GXYLT2: variants seen among roughly 807,000 people sequenced by gnomAD.
GXYLT2 encodes the protein glucoside xylosyltransferase 2.
A neutral mutation model predicts 45.8 loss-of-function variants in GXYLT2; 53 were observed. The ratio of observed to expected loss-of-function variants is 1.16; its 90% CI spans 0.93 to 1.46. The LOEUF is 1.46. Among genes scored for constraint, GXYLT2 ranks in the 40% most tolerant of loss-of-function variants. The pLI, the probability that GXYLT2 is intolerant of heterozygous loss-of-function variation, is 0.00. For synonymous variants in GXYLT2, 219 were observed against 214.2 expected (o/e 1.02, Z -0.19); for missense variants, 551 against 544.4 (o/e 1.01, Z -0.12).
intron 1 of GXYLT2, among the ~76,000 whole-genome samples, chr3:72,893,320 G>A (rs1367904734): frequency 6.6e-6 from 1 of 152,140 alleles, no homozygotes; most frequent in African/African-American, 2.4e-5. Flanking sequence ...TCCTGCTTCA[G>A]CAGCATGCAT....
chr3:72,957,094 C>G, intron 4 of GXYLT2, 135 bp from the exon 5 acceptor site: 1 of 897,598 alleles, frequency 1.1e-6, no homozygotes, highest in South Asian at 2.2e-5. Context: ...GTTCTGTGAC[C>G]TGAGAATAGC....
At chr3:72,920,100 A>C (rs992164444) in intron 2 of GXYLT2, among the ~76,000 whole-genome samples, 1 of 151,844 alleles carries the variant, frequency 6.6e-6, no homozygotes, top group Non-Finnish European at 1.5e-5. Context: ...GTTTGTTTTC[A>C]TTGTTGTTCT....
intron 2 of GXYLT2, among the ~76,000 whole-genome samples, chr3:72,910,480 G>A (rs545436932): frequency 2.6e-5 from 4 of 152,236 alleles, no homozygotes; most frequent in East Asian, 3.9e-4. Context: ...TGAGGCTAGC[G>A]GGTTTGCTAA....
rs577219076 is a variant in GXYLT2, at chr3:72,889,695, G to T, written c.275+1187G>T. ...AGTTTCTTGTAAGAGATTAATTAGG[G>T]TTTAACTGCAAGTTTAATATGATTG... On this transcript the variant is annotated intron_variant, in intron 1 of 6. Transcript: ENST00000389617. 2.8e-4 allele frequency among the ~76,000 whole-genome samples: 42 copies of T among 152,238 alleles called. No homozygotes were observed. In the East Asian group the frequency reaches 7.7e-3, roughly 28 times the overall value.
chr3:72,974,082 T>G (rs537363795), intron 6 of GXYLT2, among the ~76,000 whole-genome samples: 49 of 152,312 alleles, frequency 3.2e-4, no homozygotes, highest in African/African-American at 1.2e-3. Flanking sequence ...TTCTCACTAG[T>G]CTTTCCATAT....
Position 72,908,487 on chromosome 3 carries a change from G to T in GXYLT2, c.396G>T (p.Val132=). ...CGCTGGTCATGCTCAAATCAGCTGT[G>T]CTTTTTAGCCACAGGAAGATCCAAT... ...EETLVMLKSA[V]LFSHRKIQFH... The change falls in exon 2 of 7, where the codon GTG becomes GTT. Residue 132 remains valine, a synonymous_variant. Coordinates refer to ENST00000389617, the MANE Select transcript of GXYLT2 (RefSeq NM_001080393.2). 6.2e-7 allele frequency: 1 copy of T among 1,613,956 alleles called. No individual in the cohort carries two copies. Among genetic ancestry groups the T allele is most frequent in the Non-Finnish European group, 8.5e-7 (1 of 1,179,886 alleles).
chr3:72,950,374 T>A (rs1279240766), intron 3 of GXYLT2, among the ~76,000 whole-genome samples: 1 of 152,006 alleles, frequency 6.6e-6, no homozygotes, highest in Non-Finnish European at 1.5e-5. Flanking sequence ...GGCAGGAGAA[T>A]CGCTTGAACC....
chr3:72,957,418 C>T (rs1206201161), intron 5 of GXYLT2, 66 bp downstream of exon 5: 5 of 1,474,862 alleles, frequency 3.4e-6, no homozygotes, highest in Non-Finnish European at 4.6e-6. Context: ...GGAGCACATT[C>T]CATGCCCGGG....
intron 5 of GXYLT2, among the ~76,000 whole-genome samples, chr3:72,961,516 C>T (rs1353453766): frequency 6.6e-6 from 1 of 152,124 alleles, no homozygotes; most frequent in Admixed American, 6.6e-5. Context: ...CTCTCCGTGC[C>T]AGTCTGATTC....
rs565563001 is a variant in GXYLT2 at position 72,969,927 on chromosome 3, A to AAAAC, written c.1149+2208_1149+2209insAAAC. Among the ~76,000 whole-genome samples, 70 of 146,440 alleles carry AAAAC rather than the reference A, an allele frequency of 4.8e-4. 2 individuals are homozygous for AAAAC. Among genetic ancestry groups the AAAAC allele is most frequent in the East Asian group, 4.3e-3 (20 of 4,672 alleles). On this transcript the variant is annotated intron_variant, in intron 6 of 6. Transcript: ENST00000389617. ...TGCATTTGAAAAAAAAAAAACAAAA[A>AAAAC]CATTTAAGGCCCAGCACAGTGACTC...
chr3:72,943,316 A>C (rs1397409470), intron 3 of GXYLT2, among the ~76,000 whole-genome samples: 1 of 152,186 alleles, frequency 6.6e-6, no homozygotes, highest in East Asian at 1.9e-4. Context: ...AATAGAGTAC[A>C]CATAAAGCAA....
chr3:72,957,509 G>A (rs1428565762), intron 5 of GXYLT2, among the ~76,000 whole-genome samples, 157 bp downstream of exon 5: 1 of 152,002 alleles, frequency 6.6e-6, no homozygotes, highest in African/African-American at 2.4e-5. Flanking sequence ...GCCCCCCTGG[G>A]TATCTGATGG....
chr3:72,973,325 G>A (rs1369745488), intron 6 of GXYLT2, among the ~76,000 whole-genome samples: 4 of 152,056 alleles, frequency 2.6e-5, no homozygotes, highest in Non-Finnish European at 5.9e-5. Flanking sequence ...GGAAAGTCCC[G>A]GAGGCAGGAA....
intron 2 of GXYLT2, among the ~76,000 whole-genome samples, chr3:72,915,561 C>T (rs892594060): frequency 6.6e-6 from 1 of 151,902 alleles, no homozygotes; most frequent in East Asian, 2.0e-4. Flanking sequence ...GGGAGCTGGG[C>T]GCGGGTGGCT....
intron 3 of GXYLT2, among the ~76,000 whole-genome samples, chr3:72,922,588 T>C (rs1319594641): frequency 6.6e-6 from 1 of 152,210 alleles, no homozygotes; most frequent in Non-Finnish European, 1.5e-5. Context: ...GGTTCCATTA[T>C]TTACTGGCTC....
intron 2 of GXYLT2, among the ~76,000 whole-genome samples, chr3:72,919,110 A>G (rs998679757): frequency 1.3e-5 from 2 of 152,192 alleles, no homozygotes; most frequent in Non-Finnish European, 2.9e-5. Context: ...TTACTATACA[A>G]TCCAGGAATT....
At chr3:72,903,670 C>T (rs920803290) in intron 1 of GXYLT2, among the ~76,000 whole-genome samples, 1 of 152,142 alleles carries the variant, frequency 6.6e-6, no homozygotes, top group African/African-American at 2.4e-5. Flanking sequence ...GCATCTCTTC[C>T]AGCCACAAAA....
At chr3:72,926,490 C>T (rs1389743889) in intron 3 of GXYLT2, among the ~76,000 whole-genome samples, 1 of 152,188 alleles carries the variant, frequency 6.6e-6, no homozygotes, top group Non-Finnish European at 1.5e-5. Flanking sequence ...ATGCCAATTA[C>T]AAATAAATCA....
At chr3:72,927,901 G>A (rs1709948496) in intron 3 of GXYLT2, among the ~76,000 whole-genome samples, 1 of 152,162 alleles carries the variant, frequency 6.6e-6, no homozygotes, top group Non-Finnish European at 1.5e-5. Context: ...TTATATGTGA[G>A]AGAAACTCAA....
Sources: allele counts gnomAD v4.1 joint callset (sites outside exome capture counted in the v4.1 genomes callset), GRCh38; gene constraint gnomAD v4.1.1; transcripts MANE v1.5; gene names NCBI Gene and HGNC (gene_info 2026-07-23, HGNC 2026-07-21).